Variants in GPC6 observed in about 807,000 individuals in gnomAD.
GPC6 encodes the protein glypican 6, also known as glypican-6.
Under a neutral mutation model 55.2 loss-of-function variants are expected in GPC6, and 14 were observed. The ratio of observed to expected loss-of-function variants is 0.25; its 90% CI spans 0.17 to 0.40. GPC6 has a LOEUF of 0.40. Among genes scored for constraint, GPC6 ranks in the 10% least tolerant of loss-of-function variants. GPC6 has a pLI of 1.00. For missense variants in GPC6, 641 were observed against 708.5 expected (o/e 0.90, Z 1.08); for synonymous variants, 278 against 259.6 (o/e 1.07, Z -0.68).
intron 2 of GPC6, among the ~76,000 whole-genome samples, chr13:93,641,327 C>A (rs1879927046): frequency 6.6e-6 from 1 of 152,018 alleles, no homozygotes; most frequent in African/African-American, 2.4e-5. Context: ...ATTCAGTTAA[C>A]CATTGACTGA....
intron 2 of GPC6, among the ~76,000 whole-genome samples, chr13:93,604,596 G>A (rs1005467983): frequency 2.0e-5 from 3 of 151,586 alleles, no homozygotes; most frequent in African/African-American, 4.9e-5. Flanking sequence ...TTTCATTATC[G>A]CTGCTATCGT....
intron 1 of GPC6, among the ~76,000 whole-genome samples, chr13:93,402,269 G>A (rs1372728636): frequency 1.3e-5 from 2 of 152,086 alleles, no homozygotes; most frequent in Non-Finnish European, 2.9e-5. Flanking sequence ...ATCAGTTACT[G>A]CTTCTAATTA....
At chr13:93,906,944 T>G (rs1434316822) in intron 3 of GPC6, among the ~76,000 whole-genome samples, 1 of 152,200 alleles carries the variant, frequency 6.6e-6, no homozygotes, top group Non-Finnish European at 1.5e-5. Context: ...CTAGTTAATG[T>G]TTTTTGAATG....
chr13:93,430,047 C>T (rs1877299938), intron 1 of GPC6, among the ~76,000 whole-genome samples: 1 of 152,106 alleles, frequency 6.6e-6, no homozygotes. Flanking sequence ...GCAAAGGCTG[C>T]AGTCAAGAGT....
chr13:93,507,148 G>T (rs558989219), intron 1 of GPC6, among the ~76,000 whole-genome samples: 3 of 150,232 alleles, frequency 2.0e-5, no homozygotes, highest in African/African-American at 7.3e-5. Context: ...TTTGTGTGGA[G>T]CATCCCTGTG....
intron 3 of GPC6, among the ~76,000 whole-genome samples, chr13:93,914,108 C>G (rs1877157247): frequency 6.6e-6 from 1 of 152,074 alleles, no homozygotes; most frequent in South Asian, 2.1e-4. Context: ...GGTACATGTG[C>G]ACAACGTGCA....
At chr13:94,380,726 T>C (rs544968525) in intron 6 of GPC6, among the ~76,000 whole-genome samples, 1 of 152,328 alleles carries the variant, frequency 6.6e-6, no homozygotes, top group Admixed American at 6.5e-5. Flanking sequence ...CACTACATAA[T>C]ACTATTATCT....
At chr13:93,668,748 A>C (rs1446103401) in intron 2 of GPC6, among the ~76,000 whole-genome samples, 1 of 152,130 alleles carries the variant, frequency 6.6e-6, no homozygotes, top group Non-Finnish European at 1.5e-5. Context: ...AGCCTTGCCT[A>C]CCCTGATCTT....
intron 3 of GPC6, among the ~76,000 whole-genome samples, chr13:93,841,733 G>T (rs1887962623): frequency 6.6e-6 from 1 of 152,132 alleles, no homozygotes; most frequent in African/African-American, 2.4e-5. Flanking sequence ...TTTTGCCCTT[G>T]CAGGAACATG....
chr13:93,895,106 A>T (rs973677601), intron 3 of GPC6, among the ~76,000 whole-genome samples: 4 of 149,948 alleles, frequency 2.7e-5, no homozygotes, highest in Non-Finnish European at 5.9e-5. Context: ...CTATATATAT[A>T]TTTTCACCTC....
intron 1 of GPC6, among the ~76,000 whole-genome samples, chr13:93,362,478 C>T (rs1041082167): frequency 2.0e-5 from 3 of 152,130 alleles, no homozygotes; most frequent in African/African-American, 7.2e-5. Flanking sequence ...TCTGTGACAT[C>T]AGGACCAAAT....
At chr13:93,662,432 C>A (rs1880961788) in intron 2 of GPC6, among the ~76,000 whole-genome samples, 1 of 152,080 alleles carries the variant, frequency 6.6e-6, no homozygotes, top group South Asian at 2.1e-4. Flanking sequence ...GAGTTTGAGA[C>A]CAGCCTGGCC....
intron 2 of GPC6, among the ~76,000 whole-genome samples, chr13:93,824,042 A>T (rs979478592): frequency 6.6e-5 from 10 of 151,292 alleles, no homozygotes; most frequent in African/African-American, 2.4e-4. Flanking sequence ...ACTGTAATTT[A>T]AAAAAATCTT....
At chr13:93,771,801 A>T (rs1455859854) in intron 2 of GPC6, among the ~76,000 whole-genome samples, 1 of 152,200 alleles carries the variant, frequency 6.6e-6, no homozygotes, top group Non-Finnish European at 1.5e-5. Context: ...AACCATCATA[A>T]TATTTAAATG....
chr13:93,369,673 C>A (rs1881381817), intron 1 of GPC6, among the ~76,000 whole-genome samples: 1 of 152,006 alleles, frequency 6.6e-6, no homozygotes, highest in Admixed American at 6.6e-5. Flanking sequence ...TGAGTTTGTT[C>A]ACATTTGCTA....
At chr13:94,244,945 T>C (rs772105413) in intron 4 of GPC6, among the ~76,000 whole-genome samples, 3 of 152,116 alleles carry the variant, frequency 2.0e-5, no homozygotes, top group Non-Finnish European at 4.4e-5. Flanking sequence ...AAGATACATG[T>C]AGTAAAATGG....
intron 2 of GPC6, among the ~76,000 whole-genome samples, chr13:93,795,122 T>G (rs535900657): frequency 2.0e-5 from 3 of 152,222 alleles, no homozygotes; most frequent in Admixed American, 2.0e-4. Context: ...GAATTCAGGG[T>G]GAGTCCACAG....
chr13:94,029,473 T>G, intron 4 of GPC6, among the ~76,000 whole-genome samples: 1 of 152,350 alleles, frequency 6.6e-6, no homozygotes, highest in Middle Eastern at 3.4e-3. Context: ...TTAGAAGATT[T>G]GGATTTTTTA....
intron 1 of GPC6, among the ~76,000 whole-genome samples, chr13:93,403,173 G>A (rs1033140376): frequency 3.9e-5 from 6 of 152,072 alleles, no homozygotes; most frequent in Admixed American, 3.9e-4. Flanking sequence ...ATTATACTGA[G>A]AATTAAACCA....
Sources: allele counts gnomAD v4.1 joint callset (sites outside exome capture counted in the v4.1 genomes callset), GRCh38; gene constraint gnomAD v4.1.1; transcripts MANE v1.5; gene names NCBI Gene and HGNC (gene_info 2026-07-23, HGNC 2026-07-21).